BPGM: variants seen among roughly 807,000 people sequenced by gnomAD.
The protein encoded by BPGM is bisphosphoglycerate mutase.
In BPGM, 15 loss-of-function variants were observed where a neutral mutation model predicts 21.6. That is an observed-to-expected ratio of 0.70 (90% CI 0.47 to 1.07). The LOEUF (loss-of-function observed/expected upper bound fraction) is 1.07, where lower values mean the gene tolerates loss of function less well. BPGM is among the 50% of genes least tolerant of loss of function. BPGM has a pLI of 0.00. For synonymous variants in BPGM, 113 were observed against 116.2 expected, an observed-to-expected ratio of 0.97 and a Z score of 0.18; for missense variants, 273 against 319.0, an observed-to-expected ratio of 0.86 and a Z score of 1.10.
intron 2 of BPGM, among the ~76,000 whole-genome samples, chr7:134,678,262 G>A (rs572189321): frequency 1.8e-4 from 27 of 152,280 alleles, no homozygotes; most frequent in Admixed American, 5.2e-4. Context: ...ATAGGAGAGC[G>A]AGCCCTGTTC....
In BPGM at chr7:134,661,623, G is replaced by A. The variant is rs1487286536; in HGVS notation, c.116G>A (p.Arg39Gln). 64 of 1,614,048 alleles carry A rather than the reference G, an allele frequency of 4.0e-5. No individual in the cohort carries two copies. The highest frequency in any genetic ancestry group is 1.6e-4 in the Middle Eastern group (1 of 6,084). ...KLNSEGMEEARNCGKQLKALN... is the reference protein window; with the variant it reads ...KLNSEGMEEAQNCGKQLKALN... The stretch of plus-strand genomic sequence containing the variant: ...AACAGCGAAGGAATGGAGGAAGCTC[G>A]GAACTGTGGGAAGCAACTCAAAGCG... The change falls in exon 2 of 3, where the codon CGG becomes CAG. Residue 39 changes from arginine (R) to glutamine (Q), a missense_variant. Transcript: ENST00000344924. This position sits in a 1 kb window ranked among gnomAD's most constrained non-coding sequence, Gnocchi z 4.6.
intron 1 of BPGM, among the ~76,000 whole-genome samples, chr7:134,657,364 C>G (rs1795654973): frequency 6.6e-6 from 1 of 152,162 alleles, no homozygotes; most frequent in Admixed American, 6.5e-5. Context: ...AAAACGAAAG[C>G]CTTGCAGGTC....
intron 2 of BPGM, among the ~76,000 whole-genome samples, chr7:134,674,715 G>T (rs1411130179): frequency 6.6e-6 from 1 of 152,152 alleles, no homozygotes; most frequent in East Asian, 1.9e-4. Flanking sequence ...GAGTAATGCT[G>T]CTATGAAGGT....
intron 2 of BPGM, among the ~76,000 whole-genome samples, chr7:134,669,435 A>G (rs1288581644): frequency 2.6e-5 from 4 of 151,924 alleles, no homozygotes; most frequent in Admixed American, 2.6e-4. Flanking sequence ...GCTTATTATC[A>G]TCAATTTCTT....
intron 1 of BPGM, chr7:134,660,342 C>A (rs994550676): frequency 5.9e-5 from 9 of 152,228 alleles, no homozygotes; most frequent in Non-Finnish European, 1.3e-4. Context: ...TCTTTACAAC[C>A]CAGTGTGCAA....
chr7:134,674,278 A>C (rs1795952823), intron 2 of BPGM, among the ~76,000 whole-genome samples: 1 of 152,240 alleles, frequency 6.6e-6, no homozygotes, highest in South Asian at 2.1e-4. Flanking sequence ...CGCCATTTAA[A>C]GTATACAATT....
chr7:134,678,954 C>T lies in BPGM; in HGVS notation c.703C>T (p.Leu235=), dbSNP rs1441305923. Residue 235 remains leucine, a synonymous_variant, in exon 3 of 3, where the codon CTG becomes TTG. Transcript: ENST00000344924. ...NLRAVGPHQF[L]GDQEAIQAAI... is the part of the protein sequence containing the mutation. ...GCGTGCTGTTGGGCCTCATCAGTTC[C>T]TGGGTGACCAAGAGGCGATCCAAGC... 6.2e-7 allele frequency: 1 copy of T among 1,614,110 alleles called. No homozygotes were observed. The highest frequency in any genetic ancestry group is 1.1e-5 in the South Asian group (1 of 91,082).
intron 1 of BPGM, among the ~76,000 whole-genome samples, chr7:134,656,899 C>T (rs543220303): frequency 2.6e-5 from 4 of 152,354 alleles, no homozygotes; most frequent in African/African-American, 9.6e-5. Flanking sequence ...TGAGACGAGG[C>T]AAGCCCTCTC....
intron 1 of BPGM, among the ~76,000 whole-genome samples, chr7:134,658,887 TG>T: frequency 7.3e-6 from 1 of 137,930 alleles, no homozygotes; most frequent in Non-Finnish European, 1.5e-5. Flanking sequence ...TGTGTGTGTG[TG>T]TGTATTTTTT....
At chr7:134,647,549 A>G (rs1795480662) in intron 1 of BPGM, among the ~76,000 whole-genome samples, 1 of 152,250 alleles carries the variant, frequency 6.6e-6, no homozygotes, top group Non-Finnish European at 1.5e-5. Flanking sequence ...AATGAAATGC[A>G]TAATTGCAGT....
At chr7:134,647,679 T>C (rs1220469461) in intron 1 of BPGM, among the ~76,000 whole-genome samples, 2 of 152,226 alleles carry the variant, frequency 1.3e-5, no homozygotes, top group African/African-American at 4.8e-5. Context: ...TACTAGAATG[T>C]TAGCTGACTA....
chr7:134,678,196 G>C, intron 2 of BPGM, among the ~76,000 whole-genome samples: 1 of 152,160 alleles, frequency 6.6e-6, no homozygotes, highest in East Asian at 1.9e-4. Context: ...AGGGCTAAAG[G>C]TGGCTTGTGT....
At chr7:134,672,187 A>G (rs972535183) in intron 2 of BPGM, among the ~76,000 whole-genome samples, 2 of 152,200 alleles carry the variant, frequency 1.3e-5, no homozygotes, top group Non-Finnish European at 2.9e-5. Flanking sequence ...CATTATTTAA[A>G]TTGACTGCAG....
chr7:134,666,900 A>G (rs1252364458), intron 2 of BPGM, among the ~76,000 whole-genome samples: 1 of 152,262 alleles, frequency 6.6e-6, no homozygotes, highest in Non-Finnish European at 1.5e-5. Context: ...CAGAAGACAT[A>G]GTATGTCATC....
rs1292414765 is a variant in BPGM at position 134,661,728 on chromosome 7, TAGGCC to T, written c.225_229del (p.Gln76MetfsTer12). ...ACAGCCTGGCTGATCCTGGAAGAGCTAGGCCAGGAATGGGTGCCTGTGGAAAGCTC... is the reference window on the plus strand; with the variant it reads ...ACAGCCTGGCTGATCCTGGAAGAGCTAGGAATGGGTGCCTGTGGAAAGCTC... On this transcript the variant is annotated frameshift_variant, in exon 2 of 3. Coordinates refer to ENST00000344924, the MANE Select transcript of BPGM (RefSeq NM_001724.5). LOFTEE classifies it high-confidence loss of function. The surrounding 1 kb of genome is among the most constrained non-coding windows in gnomAD (Gnocchi z 4.6). The T allele has an allele frequency of 6.2e-7, 1 of 1,614,116 alleles. No individual in the cohort carries two copies. The highest frequency in any genetic ancestry group is 1.1e-5 in the South Asian group (1 of 91,080).
At chr7:134,663,797 A>G (rs1041250922) in intron 2 of BPGM, among the ~76,000 whole-genome samples, 1 of 152,190 alleles carries the variant, frequency 6.6e-6, no homozygotes, top group Admixed American at 6.6e-5. Context: ...CTCTTCACCT[A>G]TCTTCAAATT....
chr7:134,650,798 A>G (rs2347691), intron 1 of BPGM, among the ~76,000 whole-genome samples: 88,768 of 152,048 alleles, frequency 0.58, 26,920 homozygotes, highest in East Asian at 0.89. Context: ...GGTGACGGTC[A>G]CCTGTGGTCC....
intron 1 of BPGM, chr7:134,660,550 C>T (rs1164630633): frequency 1.3e-5 from 2 of 152,332 alleles, no homozygotes; most frequent in African/African-American, 4.8e-5. Flanking sequence ...TTGCTGGTCT[C>T]CCTTTACTAG....
rs571907275 is a variant in BPGM, at chr7:134,658,039, A to G, written c.-61-3408A>G. On this transcript the variant is annotated intron_variant, in intron 1 of 2. Transcript: ENST00000344924. Reference sequence around the variant, plus strand: ...AGAAGAAATGTTTTGTTTCACTCACATTTTACAAATATACATTAGTTGCTA... The same window carrying G: ...AGAAGAAATGTTTTGTTTCACTCACGTTTTACAAATATACATTAGTTGCTA... 2.0e-5 allele frequency among the ~76,000 whole-genome samples: 3 copies of G among 152,298 alleles called. No homozygotes were observed. The South Asian group carries it at 6.2e-4, about 32-fold the overall frequency.
Sources: allele counts gnomAD v4.1 joint callset (sites outside exome capture counted in the v4.1 genomes callset), GRCh38; gene constraint gnomAD v4.1.1; non-coding constraint Gnocchi (gnomAD v3.1); transcripts MANE v1.5; gene names NCBI Gene and HGNC (gene_info 2026-07-23, HGNC 2026-07-21).